The following MAGI2 variants were observed in gnomAD, a reference collection of about 807,000 sequenced individuals.
The protein encoded by MAGI2 is membrane associated guanylate kinase, WW and PDZ domain containing 2.
In MAGI2, 35 loss-of-function variants were observed where a neutral mutation model predicts 133.3. The ratio of observed to expected loss-of-function variants is 0.26; its 90% CI spans 0.20 to 0.35. The LOEUF is 0.35. MAGI2 is among the 10% of genes least tolerant of loss of function. The pLI, the probability that MAGI2 is intolerant of heterozygous loss-of-function variation, is 1.00. For missense variants in MAGI2, 1,636 were observed against 1,863.4 expected, an observed-to-expected ratio of 0.88 and a Z score of 2.25; for synonymous variants, 729 against 710.6, an observed-to-expected ratio of 1.03 and a Z score of -0.41.
At chr7:78,691,225 C>T (rs777207679) in intron 2 of MAGI2, among the ~76,000 whole-genome samples, 1 of 152,284 alleles carries the variant, frequency 6.6e-6, no homozygotes, top group Middle Eastern at 3.4e-3. Flanking sequence ...CTCTTACGTG[C>T]TTTCATATGG....
At chr7:79,076,160 C>A (rs1815443501) in intron 1 of MAGI2, among the ~76,000 whole-genome samples, 1 of 152,184 alleles carries the variant, frequency 6.6e-6, no homozygotes, top group Non-Finnish European at 1.5e-5. Context: ...TATGGTGCAT[C>A]AAACTCACTG....
intron 21 of MAGI2, among the ~76,000 whole-genome samples, chr7:78,069,843 T>A (rs939504250): frequency 3.9e-5 from 6 of 151,996 alleles, no homozygotes; most frequent in African/African-American, 1.4e-4. Context: ...AGAGCTCAAC[T>A]TTGTGTTGGG....
intron 2 of MAGI2, among the ~76,000 whole-genome samples, chr7:78,831,770 G>T (rs1791178261): frequency 6.6e-6 from 1 of 152,042 alleles, no homozygotes; most frequent in Non-Finnish European, 1.5e-5. Flanking sequence ...AAGTTATATA[G>T]TGAATTTACA....
intron 2 of MAGI2, among the ~76,000 whole-genome samples, chr7:78,932,113 C>T (rs1217370425): frequency 6.6e-6 from 1 of 151,962 alleles, no homozygotes; most frequent in African/African-American, 2.4e-5. Context: ...CCCAAATTCC[C>T]CCATGGAAGC....
intron 16 of MAGI2, among the ~76,000 whole-genome samples, chr7:78,147,742 C>T (rs962690220): frequency 1.3e-5 from 2 of 151,816 alleles, no homozygotes; most frequent in African/African-American, 4.8e-5. Context: ...CAAACTAAAA[C>T]CAAAATGATT....
At chr7:79,228,164 T>TG (rs1394315470) in intron 1 of MAGI2, among the ~76,000 whole-genome samples, 1 of 151,516 alleles carries the variant, frequency 6.6e-6, no homozygotes, top group East Asian at 1.9e-4. Flanking sequence ...GAAAACACAA[T>TG]GAGACCTCGT....
chr7:78,460,368 T>C (rs1239855689), intron 6 of MAGI2, among the ~76,000 whole-genome samples: 2 of 152,248 alleles, frequency 1.3e-5, no homozygotes, highest in Non-Finnish European at 2.9e-5. Context: ...CTACATTTGG[T>C]AAAAACAAGG....
At chr7:79,079,569 C>A (rs1815850438) in intron 1 of MAGI2, among the ~76,000 whole-genome samples, 1 of 151,926 alleles carries the variant, frequency 6.6e-6, no homozygotes, top group Non-Finnish European at 1.5e-5. Flanking sequence ...TAGTTAGTGC[C>A]TTAAGTAGCT....
intron 1 of MAGI2, among the ~76,000 whole-genome samples, chr7:79,007,474 G>C (rs550892166): frequency 1.6e-4 from 24 of 152,188 alleles, no homozygotes; most frequent in African/African-American, 5.5e-4. Flanking sequence ...CATGGTAAAA[G>C]ATATGTTACT....
Position 78,195,033 on chromosome 7 carries a change from G to T in MAGI2, c.2110C>A (p.Pro704Thr), listed in dbSNP as rs369338625. ...GCCGGAGCAGATAAACTCGTTTGAG[G>T]ACTGCCTTGATTCTCCCATCGGTCC... ...IMDRWENQGS[P>T]QTSLSAPAIP... The change falls in exon 12 of 22, where the codon CCT becomes ACT. Residue 704 changes from proline to threonine, a missense_variant. Physicochemically the swap from Pro to Thr is conservative, Grantham distance 38. Transcript: ENST00000354212. The T allele has an allele frequency of 6.2e-7, 1 of 1,612,168 alleles. No homozygotes were observed. Among genetic ancestry groups the T allele is most frequent in the Non-Finnish European group, 8.5e-7 (1 of 1,179,310 alleles).
intron 1 of MAGI2, among the ~76,000 whole-genome samples, chr7:79,152,985 T>C (rs1823406613): frequency 6.6e-6 from 1 of 152,222 alleles, no homozygotes; most frequent in South Asian, 2.1e-4. Context: ...ATTTCTATTT[T>C]ATTAATTTTG....
intron 1 of MAGI2, among the ~76,000 whole-genome samples, chr7:79,429,573 C>T (rs7802465): frequency 0.49 from 73,874 of 151,948 alleles, 18,291 homozygotes; most frequent in Middle Eastern, 0.66. Flanking sequence ...ACCAAATGCT[C>T]GGATTATAGG....
chr7:79,364,918 AT>A (rs57448826), intron 1 of MAGI2, among the ~76,000 whole-genome samples: 53,243 of 150,994 alleles, frequency 0.35, 10,619 homozygotes, highest in African/African-American at 0.55. Flanking sequence ...TAAAAAAAAA[AT>A]ACTTTTGCTC....
intron 12 of MAGI2, among the ~76,000 whole-genome samples, chr7:78,190,736 A>C (rs891142354): frequency 6.6e-6 from 1 of 152,212 alleles, no homozygotes; most frequent in African/African-American, 2.4e-5. Flanking sequence ...CTTTTCTCCA[A>C]GGTTAGAAAT....
At chr7:78,406,162 A>T (rs183912546) in intron 6 of MAGI2, among the ~76,000 whole-genome samples, 1 of 152,042 alleles carries the variant, frequency 6.6e-6, no homozygotes, top group Non-Finnish European at 1.5e-5. Context: ...ATTAATGAAC[A>T]AGAAAAAAAT....
At chr7:78,825,570 G>C (rs1352234979) in intron 2 of MAGI2, among the ~76,000 whole-genome samples, 4 of 152,096 alleles carry the variant, frequency 2.6e-5, no homozygotes, top group African/African-American at 9.7e-5. Context: ...TACAAAATTA[G>C]AGCTCATTTT....
At chr7:78,366,422 AAC>A (rs1793383964) in intron 7 of MAGI2, among the ~76,000 whole-genome samples, 1 of 152,154 alleles carries the variant, frequency 6.6e-6, no homozygotes, top group Admixed American at 6.5e-5. Flanking sequence ...TTCTTCTTCC[AAC>A]AAAAACACTC....
intron 1 of MAGI2, among the ~76,000 whole-genome samples, chr7:79,301,828 T>C (rs1406031174): frequency 2.6e-5 from 4 of 152,208 alleles, no homozygotes; most frequent in Admixed American, 2.6e-4. Flanking sequence ...GTTTGGATAA[T>C]GGGAGTGAAC....
rs773765110 is a variant in MAGI2, at chr7:78,162,524, C to CAAAA, written c.2597-2255_2597-2252dup. Among the ~76,000 whole-genome samples the CAAAA allele has an allele frequency of 5.7e-4, 31 of 54,734 alleles. 1 individual carries two copies. Among genetic ancestry groups the CAAAA allele is most frequent in the African/African-American group, 2.0e-3 (27 of 13,244 alleles). 35.9% of individuals were successfully genotyped at this position (54,734 alleles called of 152,430 possible). A position where few individuals can be genotyped will look rare whatever the true frequency, so the allele number is the denominator to read the frequency against. The stretch of plus-strand genomic sequence containing the variant: ...TGGGCGACAGAGCGAGACTCTGCCT[C>CAAAA]AAAAAAAAAAAACAAAAAACAAAAA... On this transcript the variant is annotated intron_variant, in intron 15 of 21. Transcript: ENST00000354212.
Sources: allele counts gnomAD v4.1 joint callset (sites outside exome capture counted in the v4.1 genomes callset), GRCh38; gene constraint gnomAD v4.1.1; transcripts MANE v1.5; gene names NCBI Gene and HGNC (gene_info 2026-07-23, HGNC 2026-07-21).